The following MEMO1 variants were observed in gnomAD, a reference collection of about 807,000 sequenced individuals.
MEMO1 encodes protein MEMO1.
MEMO1 carries 6 observed loss-of-function variants against 45.2 expected under a neutral mutation model. That is an observed-to-expected ratio of 0.13 (90% CI 0.07 to 0.26). MEMO1 has a LOEUF of 0.26. Among genes scored for constraint, MEMO1 ranks in the 10% least tolerant of loss-of-function variants. MEMO1 has a pLI of 1.00. For synonymous variants in MEMO1, 78 were observed against 124.3 expected (o/e 0.63, Z 2.48); for missense variants, 184 against 370.5 (o/e 0.50, Z 4.13).
intron 6 of MEMO1, among the ~76,000 whole-genome samples, chr2:31,909,001 C>T (rs999662595): frequency 2.0e-5 from 3 of 152,204 alleles, no homozygotes; most frequent in Admixed American, 6.5e-5. Flanking sequence ...CTTACCACTA[C>T]ATCAACAGGG....
rs1379186439 is a variant in MEMO1 at position 31,944,793 on chromosome 2, G to A, written c.62-1410C>T. Among the ~76,000 whole-genome samples, 4 of 151,934 alleles carry A rather than the reference G, an allele frequency of 2.6e-5. No individual in the cohort carries two copies. In the East Asian group the frequency reaches 7.7e-4, roughly 29 times the overall value. ...TTACAACAAATTTTCTTGAAGAGTT[G>A]TCCTCATTTCCTTCCACTGCTTGCC... On this transcript the variant is annotated intron_variant, in intron 2 of 9. Transcript: ENST00000404530.
At chr2:31,994,974 G>T (rs1273610505) in intron 2 of MEMO1, among the ~76,000 whole-genome samples, 1 of 145,350 alleles carries the variant, frequency 6.9e-6, no homozygotes, top group African/African-American at 2.5e-5. Context: ...AAGAGGGAGA[G>T]AGGAAGGGAG....
chr2:31,871,580 T>G (rs1037055425), intron 8 of MEMO1, among the ~76,000 whole-genome samples: 1 of 151,884 alleles, frequency 6.6e-6, no homozygotes, highest in Non-Finnish European at 1.5e-5. Context: ...TGCTTGCACA[T>G]CAATTAGCCA....
chr2:31,871,950 G>A (rs1248717044), intron 8 of MEMO1, among the ~76,000 whole-genome samples: 1 of 150,674 alleles, frequency 6.6e-6, no homozygotes, highest in Non-Finnish European at 1.5e-5. Context: ...GGAAGCAGAG[G>A]TTGCAGTGAC....
At chr2:31,893,317 T>C in intron 6 of MEMO1, 1 of 1,198,968 alleles carries the variant, frequency 8.3e-7, no homozygotes, top group Non-Finnish European at 1.1e-6. Context: ...GGGCAGAATC[T>C]GCATCTATGG....
chr2:31,930,089 G>GT (rs1471436327), intron 4 of MEMO1, among the ~76,000 whole-genome samples: 2 of 152,142 alleles, frequency 1.3e-5, no homozygotes, highest in Non-Finnish European at 2.9e-5. Context: ...AGGCGAAAGC[G>GT]TGTCTCCACT....
intron 8 of MEMO1, among the ~76,000 whole-genome samples, chr2:31,873,995 GAACAATTTTCAC>G (rs1262223059): frequency 6.6e-6 from 1 of 152,040 alleles, no homozygotes; most frequent in Non-Finnish European, 1.5e-5. Context: ...GGTGACGAAG[GAACAATTTTCAC>G]TTTTAAAACA....
intron 4 of MEMO1, among the ~76,000 whole-genome samples, chr2:31,926,330 C>T (rs1167571860): frequency 6.7e-6 from 1 of 149,860 alleles, no homozygotes; most frequent in Non-Finnish European, 1.5e-5. Context: ...ATGATCATGC[C>T]ACTGACTCCA....
chr2:31,976,845 G>T (rs977710565), intron 2 of MEMO1, among the ~76,000 whole-genome samples: 8 of 152,072 alleles, frequency 5.3e-5, no homozygotes, highest in African/African-American at 1.7e-4. Context: ...TGAACAAAAT[G>T]AAAATGTTAA....
rs1169682354 is a variant in MEMO1 at position 31,994,637 on chromosome 2, A to AAATAAT, written c.61+15544_61+15549dup. On this transcript the variant is annotated intron_variant, in intron 2 of 9. Coordinates refer to ENST00000404530, the MANE Select transcript of MEMO1 (RefSeq NM_001301833.4). ...CAGAGCCAGACTTTGTCTAAAAAAAAAATAATAATAATAATAATAATAGAC... is the reference window on the plus strand; with the variant it reads ...CAGAGCCAGACTTTGTCTAAAAAAAAAATAATAATAATAATAATAATAATAATAGAC... Among the ~76,000 whole-genome samples the AAATAAT allele has an allele frequency of 5.9e-5, 9 of 151,312 alleles. No homozygotes were observed. The South Asian group carries it at 1.5e-3, about 25-fold the overall frequency.
chr2:31,992,980 A>G (rs553680771), intron 2 of MEMO1, among the ~76,000 whole-genome samples: 3 of 152,068 alleles, frequency 2.0e-5, no homozygotes, highest in East Asian at 3.9e-4. Context: ...GGATACTGGG[A>G]AAAAAATGCT....
intron 4 of MEMO1, among the ~76,000 whole-genome samples, chr2:31,923,309 A>C (rs1682606862): frequency 1.3e-5 from 2 of 152,030 alleles, no homozygotes; most frequent in African/African-American, 4.8e-5. Flanking sequence ...CCCTCTTTTC[A>C]ACTGGATTGT....
chr2:32,006,338 A>G (rs1367213772), intron 2 of MEMO1, among the ~76,000 whole-genome samples: 2 of 152,228 alleles, frequency 1.3e-5, no homozygotes, highest in African/African-American at 4.8e-5. Flanking sequence ...GGCCTAAAAT[A>G]ATGGGATGAA....
chr2:31,957,576 T>C (rs1362786443), intron 2 of MEMO1, among the ~76,000 whole-genome samples: 1 of 152,234 alleles, frequency 6.6e-6, no homozygotes, highest in African/African-American at 2.4e-5. Flanking sequence ...TTCCTCCTTT[T>C]ACTTTACTTT....
rs187791633 is a variant in MEMO1 at position 31,876,632 on chromosome 2, T to C, written c.658-6680A>G. Among the ~76,000 whole-genome samples, 469 of 152,268 alleles carry C rather than the reference T, an allele frequency of 3.1e-3. 2 individuals carry two copies. The highest frequency in any genetic ancestry group is 0.011 in the African/African-American group (442 of 41,556). On this transcript the variant is annotated intron_variant, in intron 8 of 9. Transcript: ENST00000404530. ...TAATTGACATCTCTACTTAGATGTC[T>C]TAAAGGCAACAGCAAACATAACATA...
chr2:31,925,569 C>A (rs756421950), intron 4 of MEMO1, among the ~76,000 whole-genome samples: 8 of 151,588 alleles, frequency 5.3e-5, no homozygotes, highest in Non-Finnish European at 4.4e-5. Flanking sequence ...TTAAGGTCTA[C>A]CACAATAGTT....
intron 2 of MEMO1, among the ~76,000 whole-genome samples, chr2:31,990,448 G>T (rs7593078): frequency 0.97 from 147,492 of 152,208 alleles, 71,523 homozygotes; most frequent in Middle Eastern, 1. Flanking sequence ...TGTCTGGGGT[G>T]TTTTTGGTTT....
intron 2 of MEMO1, among the ~76,000 whole-genome samples, chr2:31,969,589 GTGTGTGTGTGT>G (rs1558542014): frequency 0.026 from 1,119 of 43,544 alleles, 17 homozygotes; most frequent in African/African-American, 0.083. Context: ...GTGTGTGGGT[GTGTGTGTGTGT>G]GTGTGTGTGT....
Position 31,905,975 on chromosome 2 carries a change from A to AT in MEMO1, c.437+11950dup, listed in dbSNP as rs964543084. 4.1e-3 allele frequency among the ~76,000 whole-genome samples: 591 copies of AT among 144,188 alleles called. 3 individuals carry two copies. Among genetic ancestry groups the AT allele is most frequent in the East Asian group, 0.016 (80 of 4,992 alleles). 94.6% of individuals were successfully genotyped at this position (144,188 alleles called of 152,430 possible). ...AAGGAGAGCTATTCTTTTTTTCTTT[A>AT]TTTTTTTTTTTTGAGACGGAGTCTC... On this transcript the variant is annotated intron_variant, in intron 6 of 9. Transcript: ENST00000404530.
Sources: gnomAD v4.1 joint callset for allele counts (sites outside exome capture counted in the v4.1 genomes callset) on GRCh38, gnomAD v4.1.1 for gene constraint, MANE v1.5 for transcripts, NCBI Gene and HGNC (gene_info 2026-07-23, HGNC 2026-07-21) for gene names.